The following LRRC4C variants were observed in gnomAD, a reference collection of about 807,000 sequenced individuals.
LRRC4C encodes leucine-rich repeat-containing protein 4C.
Under a neutral mutation model 33.6 loss-of-function variants are expected in LRRC4C, and 5 were observed. The observed-to-expected ratio is 0.15, with a 90% confidence interval of 0.08 to 0.31. LRRC4C has a LOEUF of 0.31. LRRC4C is among the 10% of genes least tolerant of loss of function. The pLI is 1.00. For synonymous variants in LRRC4C, 329 were observed against 302.0 expected (o/e 1.09, Z -0.93); for missense variants, 560 against 796.7 (o/e 0.70, Z 3.58).
At chr11:40,361,877 A>G (rs192467060) in intron 3 of LRRC4C, among the ~76,000 whole-genome samples, 5 of 152,346 alleles carry the variant, frequency 3.3e-5, no homozygotes, top group Admixed American at 2.6e-4. Context: ...ACAGGGCTAT[A>G]GTAACCAAAA....
chr11:40,374,472 A>C (rs895974131), intron 3 of LRRC4C, among the ~76,000 whole-genome samples: 88 of 152,322 alleles, frequency 5.8e-4, no homozygotes, highest in African/African-American at 1.9e-3. Flanking sequence ...TCCTATAATA[A>C]AAATGTTAAT....
At position 41,448,883 on chromosome 11, in the gene LRRC4C, T is replaced by C. The variant is rs1368925030; in HGVS notation, c.-496+10548A>G. On this transcript the variant is annotated intron_variant, in intron 1 of 6. Coordinates refer to ENST00000528697, the MANE Select transcript of LRRC4C (RefSeq NM_001258419.2). ...TAATAAATGTAAACTTTTAAACACA[T>C]AGTAAGTGCTGAATACAAGCTAGTT... is the stretch of plus-strand genomic sequence containing the variant. 2.0e-5 allele frequency among the ~76,000 whole-genome samples: 3 copies of C among 152,222 alleles called. 1 individual carries two copies. The East Asian group carries it at 5.8e-4, about 29-fold the overall frequency.
rs1957002869 is a variant in LRRC4C at position 40,917,303 on chromosome 11, G to T, written c.-407+16332C>A. Among the ~76,000 whole-genome samples the T allele has an allele frequency of 2.0e-5, 3 of 152,042 alleles. No homozygotes were observed. In the South Asian group the frequency reaches 6.2e-4, roughly 32 times the overall value. ...ATAGTATATCACTAAGAGATTTCCT[G>T]GGTAACTTCTTAGAAGAAGGTTAAT... On this transcript the variant is annotated intron_variant, in intron 2 of 6. Transcript: ENST00000528697.
At chr11:40,951,000 T>C (rs1444399650) in intron 1 of LRRC4C, among the ~76,000 whole-genome samples, 1 of 151,966 alleles carries the variant, frequency 6.6e-6, no homozygotes, top group Non-Finnish European at 1.5e-5. Flanking sequence ...CATGAATCAG[T>C]ACACGATGCA....
intron 1 of LRRC4C, among the ~76,000 whole-genome samples, chr11:41,286,812 A>AAGG (rs562503459): frequency 6.6e-6 from 1 of 152,148 alleles, no homozygotes; most frequent in African/African-American, 2.4e-5. Context: ...AAGAGGAGGC[A>AAGG]AGGAGGAGGA....
At chr11:41,374,785 G>A (rs1200327791) in intron 1 of LRRC4C, among the ~76,000 whole-genome samples, 3 of 152,008 alleles carry the variant, frequency 2.0e-5, no homozygotes, top group African/African-American at 7.2e-5. Context: ...ATTTTTTCTT[G>A]AGGGTTGTAT....
chr11:40,784,377 C>G (rs372797983), intron 2 of LRRC4C, among the ~76,000 whole-genome samples: 69 of 152,268 alleles, frequency 4.5e-4, no homozygotes, highest in Middle Eastern at 3.4e-3. Flanking sequence ...CGTCCTACCT[C>G]TCTCGTCAGA....
chr11:41,348,505 A>C (rs1234178054), intron 1 of LRRC4C, among the ~76,000 whole-genome samples: 1 of 152,134 alleles, frequency 6.6e-6, no homozygotes, highest in Non-Finnish European at 1.5e-5. Context: ...AATTAACATG[A>C]CATGAATTGA....
At chr11:41,433,770 A>G (rs1241045485) in intron 1 of LRRC4C, among the ~76,000 whole-genome samples, 1 of 151,494 alleles carries the variant, frequency 6.6e-6, no homozygotes, top group Non-Finnish European at 1.5e-5. Context: ...TGATCCTGTG[A>G]GTTAATACTT....
At chr11:41,008,336 C>T (rs1320782673) in intron 1 of LRRC4C, among the ~76,000 whole-genome samples, 2 of 152,160 alleles carry the variant, frequency 1.3e-5, no homozygotes, top group African/African-American at 2.4e-5. Flanking sequence ...CAAAACCCTA[C>T]ATTATCTGTC....
At chr11:40,744,660 C>A (rs1948329082) in intron 2 of LRRC4C, among the ~76,000 whole-genome samples, 1 of 152,048 alleles carries the variant, frequency 6.6e-6, no homozygotes, top group South Asian at 2.1e-4. Flanking sequence ...GAATAAACAA[C>A]CCTATGCATG....
intron 3 of LRRC4C, among the ~76,000 whole-genome samples, chr11:40,399,970 A>C (rs1397749834): frequency 1.3e-5 from 2 of 152,142 alleles, no homozygotes; most frequent in African/African-American, 4.8e-5. Flanking sequence ...CAAAGGACAA[A>C]ATAAAGACCA....
At chr11:40,540,360 T>A (rs1330520282) in intron 3 of LRRC4C, among the ~76,000 whole-genome samples, 2 of 152,168 alleles carry the variant, frequency 1.3e-5, no homozygotes, top group African/African-American at 4.8e-5. Flanking sequence ...AACTGTCAGG[T>A]CTGTCTGTTT....
intron 2 of LRRC4C, among the ~76,000 whole-genome samples, chr11:40,872,057 AG>A (rs1157004146): frequency 6.6e-6 from 1 of 152,136 alleles, no homozygotes; most frequent in African/African-American, 2.4e-5. Flanking sequence ...GTGAGATAAG[AG>A]CCACAAGGTC....
chr11:40,698,252 A>G (rs1163644026), intron 2 of LRRC4C, among the ~76,000 whole-genome samples: 1 of 152,078 alleles, frequency 6.6e-6, no homozygotes, highest in African/African-American at 2.4e-5. Flanking sequence ...CTTGTCATTT[A>G]TTGTTATTTT....
intron 1 of LRRC4C, among the ~76,000 whole-genome samples, chr11:41,075,515 C>A (rs1254056912): frequency 6.6e-6 from 1 of 152,042 alleles, no homozygotes; most frequent in Non-Finnish European, 1.5e-5. Context: ...TTCTTTCCTG[C>A]AATTGCTCCT....
chr11:40,698,725 C>A (rs979213269), intron 2 of LRRC4C, among the ~76,000 whole-genome samples: 1 of 152,058 alleles, frequency 6.6e-6, no homozygotes, highest in Non-Finnish European at 1.5e-5. Context: ...TTAATAAACT[C>A]ATAGTTCCAC....
intron 3 of LRRC4C, among the ~76,000 whole-genome samples, chr11:40,569,829 G>A (rs914682641): frequency 6.6e-6 from 1 of 151,832 alleles, no homozygotes; most frequent in Non-Finnish European, 1.5e-5. Context: ...ATAATAATTT[G>A]TGAATCAATA....
intron 4 of LRRC4C, among the ~76,000 whole-genome samples, chr11:40,256,834 C>T (rs1867248441): frequency 6.6e-6 from 1 of 152,132 alleles, no homozygotes; most frequent in African/African-American, 2.4e-5. Context: ...TGGCAGAAGG[C>T]AGAAATTCAT....
Sources: gnomAD v4.1 joint callset for allele counts (sites outside exome capture counted in the v4.1 genomes callset) on GRCh38, gnomAD v4.1.1 for gene constraint, MANE v1.5 for transcripts, NCBI Gene and HGNC (gene_info 2026-07-23, HGNC 2026-07-21) for gene names.